The following PRKCA variants were observed in gnomAD, a reference collection of about 807,000 sequenced individuals.
PRKCA encodes protein kinase C alpha.
PRKCA carries 27 observed loss-of-function variants against 87.0 expected under a neutral mutation model. That is an observed-to-expected ratio of 0.31 (90% CI 0.23 to 0.43). PRKCA has a LOEUF of 0.43. Among genes scored for constraint, PRKCA ranks in the 20% least tolerant of loss-of-function variants. The pLI is 1.00. For synonymous variants in PRKCA, 329 were observed against 311.1 expected (o/e 1.06, Z -0.61); for missense variants, 518 against 852.3 (o/e 0.61, Z 4.88).
At chr17:66,701,624 G>C (rs1973067758) in intron 8 of PRKCA, among the ~76,000 whole-genome samples, 2 of 151,890 alleles carry the variant, frequency 1.3e-5, no homozygotes, top group Admixed American at 1.3e-4. Context: ...AAATAAAAAA[G>C]AAAACCCACA....
chr17:66,541,275 C>G (rs928532858), intron 3 of PRKCA, among the ~76,000 whole-genome samples: 13 of 152,176 alleles, frequency 8.5e-5, no homozygotes, highest in Non-Finnish European at 4.4e-5. Context: ...GATTGTGGCT[C>G]AGTAAGAAGG....
At chr17:66,377,064 C>A (rs1004194252) in intron 2 of PRKCA, among the ~76,000 whole-genome samples, 1 of 151,968 alleles carries the variant, frequency 6.6e-6, no homozygotes, top group Non-Finnish European at 1.5e-5. Context: ...TCACTCTTGT[C>A]GCCCAGGCTG....
At chr17:66,435,290 A>C (rs1434362854) in intron 2 of PRKCA, among the ~76,000 whole-genome samples, 2 of 152,178 alleles carry the variant, frequency 1.3e-5, no homozygotes, top group Non-Finnish European at 2.9e-5. Flanking sequence ...ACCTTGCTAG[A>C]CCAACTAACT....
Position 66,531,025 on chromosome 17 carries a change from A to G in PRKCA, c.288+34742A>G, listed in dbSNP as rs182219660. Among the ~76,000 whole-genome samples, 5 of 152,240 alleles carry G rather than the reference A, an allele frequency of 3.3e-5. No individual in the cohort carries two copies. In the East Asian group the frequency reaches 9.7e-4, roughly 29 times the overall value. On this transcript the variant is annotated intron_variant, in intron 3 of 16. Coordinates refer to ENST00000413366, the MANE Select transcript of PRKCA (RefSeq NM_002737.3). ...GCCCACGTTGTGTCTTCCTGACAAC[A>G]CTTTTAGTTGCTCTATTGATTACTT...
chr17:66,345,905 A>G (rs1287487967), intron 2 of PRKCA, among the ~76,000 whole-genome samples: 1 of 152,168 alleles, frequency 6.6e-6, no homozygotes, highest in Non-Finnish European at 1.5e-5. Context: ...TGCCTGGCAT[A>G]TAATAGATGG....
intron 2 of PRKCA, among the ~76,000 whole-genome samples, chr17:66,366,177 C>A (rs1908706948): frequency 1.3e-5 from 2 of 151,966 alleles, no homozygotes; most frequent in African/African-American, 4.8e-5. Flanking sequence ...TATAGATAAC[C>A]TTTTAGATGT....
intron 2 of PRKCA, among the ~76,000 whole-genome samples, chr17:66,393,993 C>T (rs1008213296): frequency 4.0e-5 from 6 of 151,872 alleles, no homozygotes; most frequent in Admixed American, 6.6e-5. Context: ...GAGAATCGCT[C>T]GAACCTGGGA....
chr17:66,445,748 G>T (rs1914001888), intron 2 of PRKCA, among the ~76,000 whole-genome samples: 1 of 152,036 alleles, frequency 6.6e-6, no homozygotes, highest in Admixed American at 6.6e-5. Flanking sequence ...CTCTTTGGTG[G>T]TGTCCTTGGT....
chr17:66,578,361 C>A (rs2045556030), intron 3 of PRKCA, among the ~76,000 whole-genome samples: 2 of 152,134 alleles, frequency 1.3e-5, no homozygotes, highest in African/African-American at 2.4e-5. Flanking sequence ...CCTTCAGCTC[C>A]AGGGAGCCTG....
chr17:66,404,921 TG>T (rs1911273053), intron 2 of PRKCA, among the ~76,000 whole-genome samples: 1 of 151,852 alleles, frequency 6.6e-6, no homozygotes, highest in South Asian at 2.1e-4. Context: ...GGCTAATTTT[TG>T]TGTTTTTAGT....
chr17:66,619,733 C>T (rs977801718), intron 3 of PRKCA, among the ~76,000 whole-genome samples: 1 of 152,126 alleles, frequency 6.6e-6, no homozygotes, highest in Admixed American at 6.6e-5. Context: ...CAAGGAAAAA[C>T]CTCATTAAGC....
intron 3 of PRKCA, among the ~76,000 whole-genome samples, chr17:66,539,896 G>C (rs1187302945): frequency 6.6e-6 from 1 of 152,206 alleles, no homozygotes; most frequent in Non-Finnish European, 1.5e-5. Context: ...TCACAGAAGA[G>C]TGAAAAGCAT....
chr17:66,621,785 C>G (rs1970688250), intron 3 of PRKCA, among the ~76,000 whole-genome samples: 1 of 152,152 alleles, frequency 6.6e-6, no homozygotes, highest in African/African-American at 2.4e-5. Flanking sequence ...AGAAAGAGCT[C>G]ATTTGAAGCA....
chr17:66,765,418 C>CTATATACATA (rs1974778270), intron 13 of PRKCA, among the ~76,000 whole-genome samples: 1 of 49,310 alleles, frequency 2.0e-5, no homozygotes, highest in Non-Finnish European at 3.9e-5. Flanking sequence ...AAGACTTTGT[C>CTATATACATA]TATATATATA....
chr17:66,529,300 C>T (rs1051012745), intron 3 of PRKCA, among the ~76,000 whole-genome samples: 3 of 152,148 alleles, frequency 2.0e-5, no homozygotes, highest in Admixed American at 1.3e-4. Flanking sequence ...AGTTATAAGA[C>T]GTGAATAAGA....
chr17:66,494,042 T>C (rs1916357508), intron 2 of PRKCA, among the ~76,000 whole-genome samples: 1 of 152,212 alleles, frequency 6.6e-6, no homozygotes, highest in African/African-American at 2.4e-5. Flanking sequence ...ATTCTGAATT[T>C]CTTACTGGCC....
intron 14 of PRKCA, among the ~76,000 whole-genome samples, chr17:66,780,024 C>T (rs141738375): frequency 8.5e-5 from 13 of 152,306 alleles, no homozygotes; most frequent in African/African-American, 2.9e-4. Flanking sequence ...ACGCCAGGGC[C>T]TGAGAGCGAG....
chr17:66,532,513 GC>G (rs762241736), intron 3 of PRKCA, among the ~76,000 whole-genome samples: 43 of 151,838 alleles, frequency 2.8e-4, no homozygotes, highest in Non-Finnish European at 5.4e-4. Context: ...TTACAAGCAT[GC>G]ACCACCATGC....
chr17:66,360,094 G>A (rs1400692577), intron 2 of PRKCA, among the ~76,000 whole-genome samples: 2 of 152,186 alleles, frequency 1.3e-5, no homozygotes, highest in African/African-American at 4.8e-5. Flanking sequence ...ATATCACTCA[G>A]AAGTATCATA....
Sources: allele counts gnomAD v4.1 joint callset (sites outside exome capture counted in the v4.1 genomes callset), GRCh38; gene constraint gnomAD v4.1.1; transcripts MANE v1.5; gene names NCBI Gene and HGNC (gene_info 2026-07-23, HGNC 2026-07-21).